The following UBR1 variants were observed in gnomAD, a reference collection of about 807,000 sequenced individuals.
UBR1 encodes the protein E3 ubiquitin-protein ligase UBR1.
A neutral mutation model predicts 242.1 loss-of-function variants in UBR1; 102 were observed. The ratio of observed to expected loss-of-function variants is 0.42; its 90% confidence interval spans 0.36 to 0.50. The LOEUF is 0.50. UBR1 is among the 20% of genes least tolerant of loss of function. The pLI, the probability that UBR1 is intolerant of heterozygous loss-of-function variation, is 0.01. For synonymous variants in UBR1, 675 were observed against 684.8 expected (o/e 0.99, Z 0.22); for missense variants, 1,772 against 2,101.8 (o/e 0.84, Z 3.07).
At chr15:43,026,359 A>G (rs953801083) in intron 23 of UBR1, 9 of 521,976 alleles carry the variant, frequency 1.7e-5, no homozygotes. Context: ...GCTATTAAAG[A>G]CATATGTAGT....
At chr15:42,947,498 C>T (rs1487591831) in intron 46 of UBR1, among the ~76,000 whole-genome samples, 1 of 152,038 alleles carries the variant, frequency 6.6e-6, no homozygotes, top group East Asian at 1.9e-4. Context: ...CAAATTGTCC[C>T]TGTTTGCAGA....
chr15:43,043,264 TACTCTGTAGG>T lies in UBR1; in HGVS notation c.1790_1799del (p.Ser597TyrfsTer6). 2 of 1,614,160 alleles carry T rather than the reference TACTCTGTAGG, an allele frequency of 1.2e-6. No individual in the cohort carries two copies. The highest frequency in any genetic ancestry group is 1.7e-6 in the Non-Finnish European group (2 of 1,180,020). On this transcript the variant is annotated frameshift_variant, in exon 15 of 47. Coordinates refer to ENST00000290650, the MANE Select transcript of UBR1 (RefSeq NM_174916.3). LOFTEE classifies it high-confidence loss of function. ...GATGTATGCTTACAAGATCCTCAGA[TACTCTGTAGG>T]ACTTTGTTTCCAAACTATGTCCACA...
At chr15:43,009,737 T>A (rs1290796950) in intron 29 of UBR1, among the ~76,000 whole-genome samples, 1 of 152,224 alleles carries the variant, frequency 6.6e-6, no homozygotes, top group African/African-American at 2.4e-5. Flanking sequence ...TCACAGTCCA[T>A]GTTCTGAACT....
chr15:43,056,373 A>G lies in UBR1; in HGVS notation c.1252T>C (p.Ser418Pro). The change falls in exon 11 of 47, where the codon TCA becomes CCA. Residue 418 changes from serine to proline, a missense_variant. Ser to Pro is a moderately conservative substitution (Grantham distance 74). This residue lies in a region of UBR1 where 734 missense variants were observed against 893.3 expected (regional missense o/e 0.82). Transcript: ENST00000290650. ...HDRSISITALSVQMFTVPTLA... is the reference protein window; with the variant it reads ...HDRSISITALPVQMFTVPTLA... ...GTAGGAACAGTAAACATCTGAACTG[A>G]AAGTGCAGTTATAGAGATACTTCTG... is the stretch of plus-strand genomic sequence containing the variant. The G allele has an allele frequency of 6.2e-7, 1 of 1,612,686 alleles. No individual in the cohort carries two copies. Among genetic ancestry groups the G allele is most frequent in the Non-Finnish European group, 8.5e-7 (1 of 1,178,716 alleles).
intron 42 of UBR1, among the ~76,000 whole-genome samples, chr15:42,962,544 C>T (rs2032040329): frequency 6.6e-6 from 1 of 152,068 alleles, no homozygotes; most frequent in Non-Finnish European, 1.5e-5. Flanking sequence ...GGCTGGAGTG[C>T]AGTGGTGAGA....
intron 15 of UBR1, among the ~76,000 whole-genome samples, chr15:43,038,948 A>C (rs2033377313): frequency 6.6e-6 from 1 of 151,898 alleles, no homozygotes; most frequent in Non-Finnish European, 1.5e-5. Context: ...ACTTTTAACA[A>C]AAATTTTTAT....
At chr15:43,033,516 C>T (rs994112547) in intron 19 of UBR1, among the ~76,000 whole-genome samples, 10 of 152,092 alleles carry the variant, frequency 6.6e-5, no homozygotes, top group Non-Finnish European at 1.5e-4. Flanking sequence ...TGGTGGCATG[C>T]GCCTGTAATC....
At chr15:43,089,196 T>C (rs762807142) in intron 1 of UBR1, among the ~76,000 whole-genome samples, 50 of 136,002 alleles carry the variant, frequency 3.7e-4, no homozygotes, top group Non-Finnish European at 6.3e-4. Context: ...AATACGCCCA[T>C]TTAAAAATGA....
chr15:42,952,402 G>T lies in UBR1; in HGVS notation c.4882C>A (p.Leu1628Ile). 1 of 1,614,228 alleles carries T rather than the reference G, an allele frequency of 6.2e-7. No homozygotes were observed. The highest frequency in any genetic ancestry group is 8.5e-7 in the Non-Finnish European group (1 of 1,180,042). Reference sequence around the variant, plus strand: ...GAACATAGTATAGCCCCACAGAAAAGGCAGAGGACAGGATGCTTTCGCTCA... The same window carrying T: ...GAACATAGTATAGCCCCACAGAAAATGCAGAGGACAGGATGCTTTCGCTCA... ...DDERKHPVLCLFCGAILCSQN... is the reference protein window; with the variant it reads ...DDERKHPVLCIFCGAILCSQN... Residue 1628 changes from leucine (L) to isoleucine (I), a missense_variant, in exon 45 of 47, where the codon CTT becomes ATT. Leu to Ile is a conservative substitution (Grantham distance 5). Transcript: ENST00000290650.
intron 19 of UBR1, among the ~76,000 whole-genome samples, chr15:43,033,579 G>A (rs1489093434): frequency 6.6e-6 from 1 of 152,150 alleles, no homozygotes; most frequent in Non-Finnish European, 1.5e-5. Context: ...CCTTGAATCC[G>A]GGAGGCAGAG....
At chr15:43,031,512 A>G (rs2033257007) in intron 20 of UBR1, among the ~76,000 whole-genome samples, 1 of 152,176 alleles carries the variant, frequency 6.6e-6, no homozygotes, top group Non-Finnish European at 1.5e-5. Context: ...TATTCTGGAC[A>G]GGAAGGTTTA....
chr15:43,060,713 A>T (rs567713723), intron 6 of UBR1, among the ~76,000 whole-genome samples: 2 of 152,220 alleles, frequency 1.3e-5, no homozygotes, highest in Non-Finnish European at 2.9e-5. Context: ...AAGAAGGTAT[A>T]CCACATTTTA....
chr15:43,095,661 T>C (rs1047275427), intron 1 of UBR1, among the ~76,000 whole-genome samples: 1 of 152,144 alleles, frequency 6.6e-6, no homozygotes, highest in Non-Finnish European at 1.5e-5. Flanking sequence ...TAGGCGGTCA[T>C]AGTAAATCAC....
At chr15:43,087,235 C>T (rs1018463333) in intron 1 of UBR1, among the ~76,000 whole-genome samples, 1 of 151,988 alleles carries the variant, frequency 6.6e-6, no homozygotes, top group Admixed American at 6.6e-5. Context: ...GAAACCCCGC[C>T]TCTACTAAAA....
chr15:42,994,182 T>A (rs1470640669), intron 33 of UBR1, among the ~76,000 whole-genome samples: 1 of 152,178 alleles, frequency 6.6e-6, no homozygotes, highest in Non-Finnish European at 1.5e-5. Context: ...ATAAGTATCG[T>A]ACATAATTTC....
chr15:43,054,819 G>A lies in UBR1; in HGVS notation c.1362C>T (p.Asp454=). ...CCTGGAAGTTGAATTTATTGTTCCT[G>A]TCCAAGTACTCAGGTAAAACTTCTA... is the stretch of plus-strand genomic sequence containing the variant. ...TLLEVLPEYL[D]RNNKFNFQGY... is the part of the protein sequence containing the mutation. Residue 454 remains aspartate, a synonymous_variant, in exon 12 of 47, where the codon GAC becomes GAT. Coordinates refer to ENST00000290650, the MANE Select transcript of UBR1 (RefSeq NM_174916.3). 1.2e-6 allele frequency: 2 copies of A among 1,614,066 alleles called. No homozygotes were observed. The highest frequency in any genetic ancestry group is 1.7e-6 in the Non-Finnish European group (2 of 1,179,990).
chr15:43,013,070 T>A (rs2032950591), intron 29 of UBR1, among the ~76,000 whole-genome samples: 1 of 152,164 alleles, frequency 6.6e-6, no homozygotes, highest in Admixed American at 6.5e-5. Context: ...CACACCCGGC[T>A]AATTTTTGTA....
At position 42,955,617 on chromosome 15, in the gene UBR1, T is replaced by C. The variant is rs569496883; in HGVS notation, c.4835+2396A>G. Among the ~76,000 whole-genome samples the C allele has an allele frequency of 7.9e-5, 12 of 152,280 alleles. No individual in the cohort carries two copies. In the South Asian group the frequency reaches 2.5e-3, roughly 32 times the overall value. The stretch of plus-strand genomic sequence containing the variant: ...ATGCCTCCTGAGTATCCAGAATACA[T>C]AGTTACATCAACAGAAGTTTTGGCT... On this transcript the variant is annotated intron_variant, in intron 44 of 46. Coordinates refer to ENST00000290650, the MANE Select transcript of UBR1 (RefSeq NM_174916.3).
chr15:43,059,941 T>G lies in UBR1; in HGVS notation c.861+111A>C, dbSNP rs967141012. 1.5e-4 allele frequency: 236 copies of G among 1,545,412 alleles called. 1 individual carries two copies. Among genetic ancestry groups the G allele is most frequent in the Non-Finnish European group, 2.0e-4 (227 of 1,117,830 alleles). Reference sequence around the variant, plus strand: ...CCTGCCAGTTCCAAATCTCTGCATCTAGGTGCCCCAAACCACTTCAACGAC... The same window carrying G: ...CCTGCCAGTTCCAAATCTCTGCATCGAGGTGCCCCAAACCACTTCAACGAC... On this transcript the variant is annotated intron_variant, in intron 7 of 46. Coordinates refer to ENST00000290650, the MANE Select transcript of UBR1 (RefSeq NM_174916.3).
Sources: allele counts gnomAD v4.1 joint callset (sites outside exome capture counted in the v4.1 genomes callset), GRCh38; gene constraint gnomAD v4.1.1; regional missense constraint gnomAD v4.1.1; transcripts MANE v1.5; gene names NCBI Gene and HGNC (gene_info 2026-07-23, HGNC 2026-07-21).